MSRA: variants seen among roughly 807,000 people sequenced by gnomAD.
The protein encoded by MSRA is methionine sulfoxide reductase A.
MSRA carries 54 observed loss-of-function variants against 31.3 expected under a neutral mutation model. That is an observed-to-expected ratio of 1.73 (90% CI 1.39 to 2.17). The LOEUF (loss-of-function observed/expected upper bound fraction) is 2.17, where lower values mean the gene tolerates loss of function less well. Among genes scored for constraint, MSRA ranks in the 30% most tolerant of loss-of-function variants. The pLI is 0.00. For missense variants in MSRA, 507 were observed against 300.9 expected (o/e 1.69, Z -5.07); for synonymous variants, 169 against 116.5 (o/e 1.45, Z -2.90).
chr8:10,086,932 A>G (rs924536575), intron 1 of MSRA, among the ~76,000 whole-genome samples: 1 of 151,508 alleles, frequency 6.6e-6, no homozygotes, highest in African/African-American at 2.4e-5. Context: ...TGAGAATGAG[A>G]ATGAGAATGG....
At chr8:10,070,542 A>C (rs545407280) in intron 1 of MSRA, among the ~76,000 whole-genome samples, 2 of 152,294 alleles carry the variant, frequency 1.3e-5, no homozygotes, top group East Asian at 3.9e-4. Context: ...ATCTTGCAAA[A>C]CTATAGTACG....
intron 1 of MSRA, among the ~76,000 whole-genome samples, chr8:10,099,479 A>G (rs575613663): frequency 4.3e-4 from 66 of 152,312 alleles, no homozygotes; most frequent in African/African-American, 1.5e-3. Flanking sequence ...GTTACCAAAT[A>G]CCTTCGCCTG....
chr8:10,346,133 C>T (rs916154112), intron 5 of MSRA, among the ~76,000 whole-genome samples: 2 of 152,190 alleles, frequency 1.3e-5, no homozygotes, highest in Non-Finnish European at 2.9e-5. Flanking sequence ...GATACCAGGC[C>T]ATCCCTGGCC....
chr8:10,361,006 C>T (rs1585581867), intron 5 of MSRA, among the ~76,000 whole-genome samples: 1 of 152,196 alleles, frequency 6.6e-6, no homozygotes, highest in Non-Finnish European at 1.5e-5. Context: ...CTAATTAAAG[C>T]AGTTTTCAAC....
At chr8:10,368,808 G>C (rs940402463) in intron 5 of MSRA, among the ~76,000 whole-genome samples, 8 of 152,226 alleles carry the variant, frequency 5.3e-5, no homozygotes, top group Non-Finnish European at 1.0e-4. Flanking sequence ...GCACATGCTT[G>C]TACCTGTCTT....
intron 1 of MSRA, among the ~76,000 whole-genome samples, chr8:10,091,307 A>G (rs1325229371): frequency 6.6e-6 from 1 of 152,258 alleles, no homozygotes; most frequent in Non-Finnish European, 1.5e-5. Flanking sequence ...GGTGTATAAC[A>G]TATTTGCAAA....
chr8:10,385,402 A>G (rs1806323971), intron 5 of MSRA, among the ~76,000 whole-genome samples: 1 of 152,224 alleles, frequency 6.6e-6, no homozygotes, highest in African/African-American at 2.4e-5. Flanking sequence ...AAGGAATCTG[A>G]GTAGAGTTTA....
intron 5 of MSRA, among the ~76,000 whole-genome samples, chr8:10,417,086 C>A (rs1808505667): frequency 6.6e-6 from 1 of 152,210 alleles, no homozygotes; most frequent in Non-Finnish European, 1.5e-5. Context: ...GAAGCCCCAT[C>A]CGTCCAGCTA....
rs534393097 is a variant in MSRA, at chr8:10,167,537, G to A, written c.143-40296G>A. ...AATCTGGATGAATATGCCTGTGTGC[G>A]CCGCATGATAATAACAATCACGCCA... On this transcript the variant is annotated intron_variant, in intron 1 of 5. Coordinates refer to ENST00000317173, the MANE Select transcript of MSRA (RefSeq NM_012331.5). 3.3e-5 allele frequency among the ~76,000 whole-genome samples: 5 copies of A among 152,214 alleles called. No individual in the cohort carries two copies. In the South Asian group the frequency reaches 6.2e-4, roughly 19 times the overall value.
In MSRA at chr8:10,405,285, C is replaced by T. The variant is rs184649182; in HGVS notation, c.544-22863C>T. ...CAGGATCAGAGTATTGCCAGGCCAC[C>T]CAGCTCGGCCACCCATCGCCCTGCC... On this transcript the variant is annotated intron_variant, in intron 5 of 5. Coordinates refer to ENST00000317173, the MANE Select transcript of MSRA (RefSeq NM_012331.5). 2.3e-3 allele frequency among the ~76,000 whole-genome samples: 343 copies of T among 152,200 alleles called. 3 individuals are homozygous for T. Among genetic ancestry groups the T allele is most frequent in the African/African-American group, 7.1e-3 (296 of 41,528 alleles).
chr8:10,305,714 C>G (rs930968506), intron 4 of MSRA, among the ~76,000 whole-genome samples: 5 of 152,192 alleles, frequency 3.3e-5, no homozygotes, highest in African/African-American at 7.2e-5. Context: ...ACCACTGTGC[C>G]TAGCCTTCTG....
chr8:10,200,551 C>G, intron 1 of MSRA, among the ~76,000 whole-genome samples: 1 of 152,166 alleles, frequency 6.6e-6, no homozygotes, highest in East Asian at 1.9e-4. Flanking sequence ...TGTCGCTTGC[C>G]TTCCAGGTCA....
At chr8:10,071,777 TC>T (rs1005938176) in intron 1 of MSRA, among the ~76,000 whole-genome samples, 7 of 152,176 alleles carry the variant, frequency 4.6e-5, no homozygotes, top group African/African-American at 1.7e-4. Context: ...AGGCTGGCAC[TC>T]CATGGAGGTT....
In MSRA at chr8:10,353,957, G is replaced by T. The variant is rs878891354; in HGVS notation, c.543+33968G>T. On this transcript the variant is annotated intron_variant, in intron 5 of 5. Coordinates refer to ENST00000317173, the MANE Select transcript of MSRA (RefSeq NM_012331.5). ...GAAGGAAAGCAGTGTTGTCAAGAGA[G>T]CTAAAATGAACTTTTCTTTTTCCAG... 7 of 180,468 alleles carry T rather than the reference G, an allele frequency of 3.9e-5. No homozygotes were observed. The South Asian group carries it at 8.4e-4, about 22-fold the overall frequency. 11.2% of individuals were successfully genotyped at this position (180,468 alleles called of 1,614,324 possible). A position where few individuals can be genotyped will look rare whatever the true frequency, so the allele number is the denominator to read the frequency against.
At chr8:10,249,376 C>A (rs1332513459) in intron 3 of MSRA, among the ~76,000 whole-genome samples, 4 of 152,208 alleles carry the variant, frequency 2.6e-5, no homozygotes, top group Admixed American at 1.3e-4. Context: ...ATGACAAAAA[C>A]AGAGTTTTGG....
chr8:10,413,924 G>C lies in MSRA; in HGVS notation c.544-14224G>C, dbSNP rs570612587. Among the ~76,000 whole-genome samples, 6 of 152,288 alleles carry C rather than the reference G, an allele frequency of 3.9e-5. No homozygotes were observed. In the South Asian group the frequency reaches 1.2e-3, roughly 32 times the overall value. On this transcript the variant is annotated intron_variant, in intron 5 of 5. Transcript: ENST00000317173. ...TTATACCTGCGATCATAGTGCTTTGGGAGGCTGAGGCAGGAGGATTGTTTG... is the reference window on the plus strand; with the variant it reads ...TTATACCTGCGATCATAGTGCTTTGCGAGGCTGAGGCAGGAGGATTGTTTG...
At chr8:10,255,706 G>T (rs1479440573) in intron 3 of MSRA, among the ~76,000 whole-genome samples, 1 of 152,042 alleles carries the variant, frequency 6.6e-6, no homozygotes, top group African/African-American at 2.4e-5. Context: ...TCATCTGTCT[G>T]GTTTTGAGAG....
At chr8:10,146,271 G>C (rs552088769) in intron 1 of MSRA, among the ~76,000 whole-genome samples, 55 of 152,310 alleles carry the variant, frequency 3.6e-4, no homozygotes, top group Non-Finnish European at 4.7e-4. Flanking sequence ...AGAAGAGAGA[G>C]TGAAGGTTTA....
chr8:10,156,826 T>TTTA (rs1554469608), intron 1 of MSRA, among the ~76,000 whole-genome samples: 1 of 150,408 alleles, frequency 6.6e-6, no homozygotes, highest in Non-Finnish European at 1.5e-5. Context: ...TTTTTTTTTT[T>TTTA]AGCTTCATTC....
Sources: allele counts gnomAD v4.1 joint callset (sites outside exome capture counted in the v4.1 genomes callset), GRCh38; gene constraint gnomAD v4.1.1; transcripts MANE v1.5; gene names NCBI Gene and HGNC (gene_info 2026-07-23, HGNC 2026-07-21).